Variants in GADL1 observed in about 807,000 individuals in gnomAD.
GADL1 encodes GAD like acidic amino acid decarboxylase 1, also known as acidic amino acid decarboxylase GADL1.
A neutral mutation model predicts 69.5 loss-of-function variants in GADL1; 71 were observed. The ratio of observed to expected loss-of-function variants is 1.02; its 90% CI spans 0.84 to 1.25. GADL1 has a LOEUF of 1.25. Ranked by LOEUF, GADL1 falls within the 50% of genes most tolerant of loss-of-function variation. The pLI is 0.00. For synonymous variants in GADL1, 254 were observed against 214.4 expected (o/e 1.18, Z -1.62); for missense variants, 737 against 631.8 (o/e 1.17, Z -1.79).
rs576727508 is a variant in GADL1, at chr3:30,859,334, CA to C, written c.211-2194del. Among the ~76,000 whole-genome samples the C allele has an allele frequency of 2.3e-3, 350 of 152,008 alleles. 4 individuals are homozygous for C. The highest frequency in any genetic ancestry group is 7.8e-3 in the African/African-American group (325 of 41,496). Reference sequence around the variant, plus strand: ...AGAGGTAAATTGGAAATGCCTGAGACAATCAAAAGGAATGACTACTGGCGCA... The same window carrying C: ...AGAGGTAAATTGGAAATGCCTGAGACATCAAAAGGAATGACTACTGGCGCA... On this transcript the variant is annotated intron_variant, in intron 2 of 14. Coordinates refer to ENST00000282538, the MANE Select transcript of GADL1 (RefSeq NM_207359.3).
intron 14 of GADL1, among the ~76,000 whole-genome samples, chr3:30,752,642 C>T (rs904455349): frequency 2.6e-5 from 4 of 152,090 alleles, no homozygotes; most frequent in Non-Finnish European, 2.9e-5. Context: ...TACAAGAAAA[C>T]GTCCACTGGA....
At chr3:30,887,770 A>G (rs571975083) in intron 1 of GADL1, among the ~76,000 whole-genome samples, 30 of 152,338 alleles carry the variant, frequency 2.0e-4, no homozygotes, top group African/African-American at 7.0e-4. Flanking sequence ...AGAATAGAAA[A>G]GAAAGAGAGA....
intron 11 of GADL1, among the ~76,000 whole-genome samples, chr3:30,805,672 T>C (rs1027836649): frequency 6.0e-5 from 9 of 150,916 alleles, no homozygotes; most frequent in Admixed American, 2.0e-4. Flanking sequence ...CTGCGGTCTC[T>C]TTTTGGTCAG....
At chr3:30,736,493 A>G (rs1407071630) in intron 14 of GADL1, among the ~76,000 whole-genome samples, 1 of 152,210 alleles carries the variant, frequency 6.6e-6, no homozygotes, top group Non-Finnish European at 1.5e-5. Context: ...TTTATTTCTT[A>G]AAATAAATTT....
At chr3:30,817,230 G>A (rs9836618) in intron 11 of GADL1, among the ~76,000 whole-genome samples, 53,805 of 152,076 alleles carry the variant, frequency 0.35, 13,177 homozygotes, top group African/African-American at 0.66. Context: ...GTCTAAAGCT[G>A]TAGAGGCATT....
chr3:30,732,346 T>C lies in GADL1; in HGVS notation c.1393-3931A>G, dbSNP rs1457826718. ...ATTTTTCTGCTGTTTTTTCTTCAAA[T>C]TGTAAATCAAATTCTTTTCTTGTGC... is the stretch of plus-strand genomic sequence containing the variant. On this transcript the variant is annotated intron_variant, in intron 14 of 14. Transcript: ENST00000282538. Among the ~76,000 whole-genome samples the C allele has an allele frequency of 2.0e-5, 3 of 151,922 alleles. No homozygotes were observed. The East Asian group carries it at 6.1e-4, about 31-fold the overall frequency.
rs191241727 is a variant in GADL1 at position 30,867,366 on chromosome 3, T to A, written c.38-5601A>T. ...CTCTACTCCTTTAATAATTATGTAT[T>A]TATCTTAAATATGCATCAATCTCCG... On this transcript the variant is annotated intron_variant, in intron 1 of 14. Coordinates refer to ENST00000282538, the MANE Select transcript of GADL1 (RefSeq NM_207359.3). Among the ~76,000 whole-genome samples, 157 of 149,774 alleles carry A rather than the reference T, an allele frequency of 1.0e-3. 5 individuals are homozygous for A. In the East Asian group the frequency reaches 0.025, roughly 24 times the overall value.
In GADL1 at chr3:30,747,167, T is replaced by A. The variant is rs375620907; in HGVS notation, c.1393-18752A>T. On this transcript the variant is annotated intron_variant, in intron 14 of 14. Coordinates refer to ENST00000282538, the MANE Select transcript of GADL1 (RefSeq NM_207359.3). ...CACATGAAGCATTTTAGCAGACCAATCAATTAGAATCAGCCTTTTTCTGTT... is the reference window on the plus strand; with the variant it reads ...CACATGAAGCATTTTAGCAGACCAAACAATTAGAATCAGCCTTTTTCTGTT... Among the ~76,000 whole-genome samples the A allele has an allele frequency of 9.8e-5, 15 of 152,300 alleles. No homozygotes were observed. In the East Asian group the frequency reaches 1.7e-3, roughly 18 times the overall value.
chr3:30,795,399 T>C (rs1302059575), intron 12 of GADL1, among the ~76,000 whole-genome samples: 1 of 152,202 alleles, frequency 6.6e-6, no homozygotes, highest in Non-Finnish European at 1.5e-5. Flanking sequence ...TTGTAGTGGT[T>C]GAGAGTCCAC....
chr3:30,871,042 A>AGTGTGTGTGT (rs4016178), intron 1 of GADL1, among the ~76,000 whole-genome samples: 19,333 of 141,206 alleles, frequency 0.14, 1,499 homozygotes, highest in Admixed American at 0.22. Flanking sequence ...AAGGCAGAAA[A>AGTGTGTGTGT]GTGTGTGTGT....
chr3:30,888,180 A>G (rs757828786), intron 1 of GADL1, among the ~76,000 whole-genome samples: 2 of 152,160 alleles, frequency 1.3e-5, no homozygotes, highest in Non-Finnish European at 2.9e-5. Flanking sequence ...GCAGATGCAG[A>G]AACTGCAGCT....
intron 1 of GADL1, among the ~76,000 whole-genome samples, chr3:30,886,375 A>G (rs73065057): frequency 0.024 from 3,619 of 152,244 alleles, 89 homozygotes; most frequent in East Asian, 0.12. Context: ...TCTCACCACT[A>G]ATTTTTACAG....
At chr3:30,894,191 G>T (rs1275662742) in intron 1 of GADL1, among the ~76,000 whole-genome samples, 1 of 152,156 alleles carries the variant, frequency 6.6e-6, no homozygotes, top group Non-Finnish European at 1.5e-5. Flanking sequence ...CTGGCTGCAG[G>T]TGAAAGGACT....
chr3:30,768,525 A>G (rs891648524), intron 14 of GADL1, among the ~76,000 whole-genome samples: 1 of 143,100 alleles, frequency 7.0e-6, no homozygotes, highest in Non-Finnish European at 1.5e-5. Flanking sequence ...AGGAAATAAG[A>G]ATGAAATTTT....
At chr3:30,873,457 C>T (rs927754329) in intron 1 of GADL1, among the ~76,000 whole-genome samples, 14 of 151,864 alleles carry the variant, frequency 9.2e-5, no homozygotes, top group African/African-American at 2.4e-4. Flanking sequence ...TTCCAGATGC[C>T]ATGTTAATAA....
chr3:30,758,249 A>G (rs1696027600), intron 14 of GADL1, among the ~76,000 whole-genome samples: 1 of 152,206 alleles, frequency 6.6e-6, no homozygotes, highest in Non-Finnish European at 1.5e-5. Flanking sequence ...TGCACCAAGT[A>G]TGTATTCTTA....
chr3:30,769,768 G>C (rs1214226661), intron 14 of GADL1, among the ~76,000 whole-genome samples: 1 of 152,260 alleles, frequency 6.6e-6, no homozygotes, highest in African/African-American at 2.4e-5. Context: ...TGACAGATCT[G>C]ACAGTATGAG....
At chr3:30,846,482 C>T (rs1559359689) in intron 6 of GADL1, among the ~76,000 whole-genome samples, 1 of 152,146 alleles carries the variant, frequency 6.6e-6, no homozygotes, top group Non-Finnish European at 1.5e-5. Flanking sequence ...TCAATGTACA[C>T]TGTGCCCTGG....
intron 1 of GADL1, among the ~76,000 whole-genome samples, chr3:30,865,086 G>T (rs1698378083): frequency 6.6e-6 from 1 of 151,764 alleles, no homozygotes; most frequent in South Asian, 2.1e-4. Context: ...ACCTCATCTT[G>T]TTACTGTCCT....
Sources: allele counts gnomAD v4.1 joint callset (sites outside exome capture counted in the v4.1 genomes callset), GRCh38; gene constraint gnomAD v4.1.1; transcripts MANE v1.5; gene names NCBI Gene and HGNC (gene_info 2026-07-23, HGNC 2026-07-21).